The following ESYT2 variants were observed in gnomAD, a reference collection of about 807,000 sequenced individuals.
ESYT2 encodes extended synaptotagmin-2.
ESYT2 carries 54 observed loss-of-function variants against 107.2 expected under a neutral mutation model. The ratio of observed to expected loss-of-function variants is 0.50; its 90% CI spans 0.40 to 0.63. The LOEUF (loss-of-function observed/expected upper bound fraction) is 0.63, where lower values mean the gene tolerates loss of function less well. ESYT2 is among the 30% of genes least tolerant of loss of function. The probability of loss-of-function intolerance (pLI) is 0.00; values close to 1 mark genes in which losing one functional copy is unlikely to be tolerated. For missense variants in ESYT2, 1,020 were observed against 1,094.5 expected (o/e 0.93, Z 0.96); for synonymous variants, 491 against 434.1 (o/e 1.13, Z -1.63).
chr7:158,782,542 AGT>A (rs1554587001), intron 6 of ESYT2, among the ~76,000 whole-genome samples: 21 of 150,454 alleles, frequency 1.4e-4, no homozygotes, highest in Middle Eastern at 3.5e-3. Context: ...TAAGAAAATG[AGT>A]GTGAGAAGCA....
At chr7:158,822,204 A>G (rs1242239991) in intron 1 of ESYT2, among the ~76,000 whole-genome samples, 1 of 152,242 alleles carries the variant, frequency 6.6e-6, no homozygotes, top group Non-Finnish European at 1.5e-5. Flanking sequence ...AAGAGACGAC[A>G]AAAGACCACA....
At chr7:158,757,307 A>G (rs842432) in intron 13 of ESYT2, among the ~76,000 whole-genome samples, 123,565 of 152,220 alleles carry the variant, frequency 0.81, 50,937 homozygotes, top group Non-Finnish European at 0.89. Context: ...ACAGACAAAG[A>G]AAGAAAGAAC....
At chr7:158,749,623 G>C (rs772462592) in intron 15 of ESYT2, 26 bp downstream of exon 15, 4 of 1,612,516 alleles carry the variant, frequency 2.5e-6, no homozygotes, top group Admixed American at 1.7e-5. Flanking sequence ...CAGGCACCAA[G>C]GCTGAGTCCA....
intron 17 of ESYT2, 74 bp downstream of exon 17, chr7:158,743,455 C>T (rs957158629): frequency 8.1e-5 from 126 of 1,547,220 alleles, no homozygotes; most frequent in Non-Finnish European, 1.1e-4. Context: ...GCCTCATGCC[C>T]GGGGCCCATG....
At chr7:158,743,382 C>T (rs1837279610) in intron 17 of ESYT2, 147 bp downstream of exon 17, 2 of 948,360 alleles carry the variant, frequency 2.1e-6, no homozygotes, top group South Asian at 1.8e-5. Flanking sequence ...AACAATATCT[C>T]CTCCCTGCAC....
In ESYT2 at chr7:158,792,758, C is replaced by T. The variant is rs78581755; in HGVS notation, c.584+892G>A. On this transcript the variant is annotated intron_variant, in intron 4 of 22. Coordinates refer to ENST00000275418, the MANE Select transcript of ESYT2 (RefSeq NM_001367773.1). ...TTCAGTTTTTAACCACTGAGTATAACGTGGGGTTTTTTTTTTTTTTTTTTT... is the reference window on the plus strand; with the variant it reads ...TTCAGTTTTTAACCACTGAGTATAATGTGGGGTTTTTTTTTTTTTTTTTTT... Among the ~76,000 whole-genome samples the T allele has an allele frequency of 4.5e-3, 644 of 142,852 alleles. 38 individuals are homozygous for T. The East Asian group carries it at 0.12, about 27-fold the overall frequency. The allele number at this position is 142,852 out of a possible 152,430, so 93.7% of individuals were successfully genotyped here.
chr7:158,773,331 C>T lies in ESYT2; in HGVS notation c.803+10G>A, dbSNP rs1441833054. 8 of 1,613,930 alleles carry T rather than the reference C, an allele frequency of 5.0e-6. No homozygotes were observed. The highest frequency in any genetic ancestry group is 4.0e-5 in the African/African-American group (3 of 74,900). ...AACGCTAAGCCTCCGGGACCAGACA[C>T]GAGACTTACTTCAATCCAGGGACAT... On this transcript the variant is annotated intron_variant, in intron 7 of 22. Coordinates refer to ENST00000275418, the MANE Select transcript of ESYT2 (RefSeq NM_001367773.1).
chr7:158,763,118 A>C lies in ESYT2; in HGVS notation c.1149T>G (p.Phe383Leu). 6.2e-7 allele frequency: 1 copy of C among 1,613,250 alleles called. No individual in the cohort carries two copies. Among genetic ancestry groups the C allele is most frequent in the Non-Finnish European group, 8.5e-7 (1 of 1,179,476 alleles). ...HPGQELEIEL[F>L]DEDPDKDDFL... ...AGTCATCCTTGTCTGGGTCTTCATCAAAGAGCTCAATCTCTAATTCTTGTC... is the reference window on the plus strand; with the variant it reads ...AGTCATCCTTGTCTGGGTCTTCATCCAAGAGCTCAATCTCTAATTCTTGTC... The change falls in exon 10 of 23, where the codon TTT (phenylalanine) becomes TTG (leucine). Residue 383 changes from phenylalanine to leucine, a missense_variant. Phe to Leu is a conservative substitution (Grantham distance 22, BLOSUM62 0). Transcript: ENST00000275418.
intron 17 of ESYT2, among the ~76,000 whole-genome samples, chr7:158,743,308 C>T (rs773729036): frequency 6.6e-5 from 10 of 152,180 alleles, no homozygotes; most frequent in Non-Finnish European, 1.2e-4. Context: ...AACCTGGAAA[C>T]GTGGCCTGTT....
In ESYT2 at chr7:158,829,476, C is replaced by G. The variant is rs1840568988; in HGVS notation, c.-58G>C. ...AGGCGGGCTGGGTGCTCGCGCTGAT[C>G]CCGGGCGGCTCAGCCCCGCGCCAGC... On this transcript the variant is annotated 5_prime_UTR_variant, in exon 1 of 23. Transcript: ENST00000275418. The G allele has an allele frequency of 8.2e-7, 1 of 1,213,350 alleles. No individual in the cohort carries two copies. The highest frequency in any genetic ancestry group is 3.4e-5 in the East Asian group (1 of 28,998). The allele number at this position is 1,213,350 out of a possible 1,614,324, so 75.2% of individuals were successfully genotyped here.
At chr7:158,801,896 T>G (rs1250884715) in intron 1 of ESYT2, among the ~76,000 whole-genome samples, 1 of 152,220 alleles carries the variant, frequency 6.6e-6, no homozygotes. Context: ...ACAGAACATT[T>G]AACTGTGCTC....
rs188911585 is a variant in ESYT2, at chr7:158,766,810, C to T, written c.924+844G>A. On this transcript the variant is annotated intron_variant, in intron 8 of 22. Transcript: ENST00000275418. Reference sequence around the variant, plus strand: ...CAGACACCACCACGGTGGTAATGCTCACTGGCTTCTGGAGTCCAAAGTCCA... The same window carrying T: ...CAGACACCACCACGGTGGTAATGCTTACTGGCTTCTGGAGTCCAAAGTCCA... Among the ~76,000 whole-genome samples, 8 of 152,326 alleles carry T rather than the reference C, an allele frequency of 5.3e-5. No individual in the cohort carries two copies. In the East Asian group the frequency reaches 1.5e-3, roughly 29 times the overall value.
chr7:158,798,012 T>C lies in ESYT2; in HGVS notation c.437A>G (p.Glu146Gly). The C allele has an allele frequency of 6.2e-7, 1 of 1,614,146 alleles. No homozygotes were observed. Among genetic ancestry groups the C allele is most frequent in the Middle Eastern group, 1.7e-4 (1 of 6,060 alleles). ...FIEKLFRETI[E>G]PAVRGANTHL... The stretch of plus-strand genomic sequence containing the variant: ...GGTGTTTGCTCCCCGCACGGCTGGT[T>C]CTATAGTTTCTCGAAACAACTTCTC... The change falls in exon 3 of 23, where the codon GAA becomes GGA. Residue 146 changes from glutamate (E) to glycine (G), a missense_variant. Glu to Gly is a moderately conservative substitution (Grantham distance 98). Coordinates refer to ENST00000275418, the MANE Select transcript of ESYT2 (RefSeq NM_001367773.1).
At chr7:158,808,087 A>C (rs1409549475) in intron 1 of ESYT2, among the ~76,000 whole-genome samples, 1 of 152,224 alleles carries the variant, frequency 6.6e-6, no homozygotes, top group Non-Finnish European at 1.5e-5. Flanking sequence ...GGGTAACTAA[A>C]GTGTTTGAAA....
intron 13 of ESYT2, among the ~76,000 whole-genome samples, chr7:158,756,136 T>C (rs547021576): frequency 2.0e-5 from 3 of 152,282 alleles, no homozygotes; most frequent in South Asian, 2.1e-4. Context: ...CCTTTGGAAA[T>C]AGAAATGAAA....
rs780407641 is a variant in ESYT2 at position 158,793,712 on chromosome 7, A to G, written c.522T>C (p.Asn174=). ...CATTTTCAGTGTATACCTTAACACC[A>G]TTGATCCTGAGGGGCTGAAATAAGA... is the stretch of plus-strand genomic sequence containing the variant. ...VDVGQQPLRI[N]GVKVYTENVD... is the part of the protein sequence containing the mutation. The change falls in exon 4 of 23, where the codon AAT becomes AAC. Residue 174 remains asparagine (N), a synonymous_variant. Coordinates refer to ENST00000275418, the MANE Select transcript of ESYT2 (RefSeq NM_001367773.1). 3.7e-6 allele frequency: 6 copies of G among 1,613,278 alleles called. No homozygotes were observed. The highest frequency in any genetic ancestry group is 5.1e-6 in the Non-Finnish European group (6 of 1,179,734).
rs145171230 is a variant in ESYT2 at position 158,759,537 on chromosome 7, A to C, written c.1368T>G (p.Gly456=). 8.1e-6 allele frequency: 13 copies of C among 1,612,678 alleles called. No individual in the cohort carries two copies. The highest frequency in any genetic ancestry group is 2.2e-5 in the South Asian group (2 of 91,040). Residue 456 remains glycine, a synonymous_variant, in exon 13 of 23, where the codon GGT becomes GGG. Transcript: ENST00000275418. ...ACAAGATCAGCAATGCAGAGGAAAG[A>C]CCATCGTTGGCTTGGTCTTTGTCAG... ...IKADKDQAND[G]LSSALLILYL...
chr7:158,770,073 T>G (rs1373156785), intron 7 of ESYT2, among the ~76,000 whole-genome samples: 1 of 152,066 alleles, frequency 6.6e-6, no homozygotes, highest in Non-Finnish European at 1.5e-5. Context: ...GTATTTTTAG[T>G]AGAGATGGGA....
chr7:158,735,393 C>T (rs180858085), intron 21 of ESYT2, 110 bp downstream of exon 21: 4 of 794,398 alleles, frequency 5.0e-6, no homozygotes, highest in Non-Finnish European at 8.3e-6. Context: ...GCATCGACCT[C>T]GTAAGTTCGC....
Sources: gnomAD v4.1 joint callset for allele counts (sites outside exome capture counted in the v4.1 genomes callset) on GRCh38, gnomAD v4.1.1 for gene constraint, MANE v1.5 for transcripts, NCBI Gene and HGNC (gene_info 2026-07-23, HGNC 2026-07-21) for gene names.